The following MLLT3 variants were observed in gnomAD, a reference collection of about 807,000 sequenced individuals.
MLLT3 encodes the protein protein AF-9.
In MLLT3, 4 loss-of-function variants were observed where a neutral mutation model predicts 53.2. The ratio of observed to expected loss-of-function variants is 0.08; its 90% CI spans 0.04 to 0.17. The LOEUF is 0.17. MLLT3 is among the 10% of genes least tolerant of loss of function. The pLI, the probability that MLLT3 is intolerant of heterozygous loss-of-function variation, is 1.00. For missense variants in MLLT3, 569 were observed against 684.0 expected (o/e 0.83, Z 1.87); for synonymous variants, 283 against 230.6 (o/e 1.23, Z -2.06).
intron 2 of MLLT3, among the ~76,000 whole-genome samples, chr9:20,483,644 A>C (rs1443508374): frequency 1.3e-5 from 2 of 151,234 alleles, no homozygotes; most frequent in East Asian, 3.9e-4. Flanking sequence ...CCCTGAATGT[A>C]AGACTCAATA....
rs1661850997 is a variant in MLLT3, at chr9:20,581,629, C to G, written c.193+39025G>C. ...ATATTCAACCTGTTTAGGCCCCTGG[C>G]AGCCAATCAGAGACTGGACTTTGAG... is the stretch of plus-strand genomic sequence containing the variant. On this transcript the variant is annotated intron_variant, in intron 2 of 10. Coordinates refer to ENST00000380338, the MANE Select transcript of MLLT3 (RefSeq NM_004529.4). 1.3e-5 allele frequency among the ~76,000 whole-genome samples: 2 copies of G among 152,146 alleles called. 1 individual carries two copies. Among genetic ancestry groups the G allele is most frequent in the South Asian group, 4.1e-4 (2 of 4,832 alleles).
At chr9:20,476,723 T>C (rs1824530747) in intron 2 of MLLT3, among the ~76,000 whole-genome samples, 1 of 152,156 alleles carries the variant, frequency 6.6e-6, no homozygotes, top group African/African-American at 2.4e-5. Context: ...AGACAGTATT[T>C]TATCTTGAAT....
chr9:20,488,692 C>G (rs1227534455), intron 2 of MLLT3, among the ~76,000 whole-genome samples: 2 of 152,154 alleles, frequency 1.3e-5, no homozygotes, highest in Non-Finnish European at 2.9e-5. Flanking sequence ...GATTTGCTCT[C>G]CTGAAATGAA....
rs529041919 is a variant in MLLT3 at position 20,356,652 on chromosome 9, C to T, written c.1432-1773G>A. Among the ~76,000 whole-genome samples, 8 of 152,238 alleles carry T rather than the reference C, an allele frequency of 5.3e-5. No individual in the cohort carries two copies. The South Asian group carries it at 1.7e-3, about 32-fold the overall frequency. On this transcript the variant is annotated intron_variant, in intron 8 of 10. Coordinates refer to ENST00000380338, the MANE Select transcript of MLLT3 (RefSeq NM_004529.4). ...CATATCCCGCTGCCTCCCACGATCC[C>T]CTCCTCCAACTCCTGTACTCTGGGT...
At chr9:20,463,307 C>T (rs1376284816) in intron 2 of MLLT3, among the ~76,000 whole-genome samples, 3 of 152,062 alleles carry the variant, frequency 2.0e-5, no homozygotes, top group African/African-American at 7.2e-5. Context: ...TTTTCTTTAA[C>T]ATACGCACAA....
intron 2 of MLLT3, among the ~76,000 whole-genome samples, chr9:20,517,049 T>C (rs1817934608): frequency 6.6e-6 from 1 of 152,218 alleles, no homozygotes; most frequent in Non-Finnish European, 1.5e-5. Context: ...AATAGTCTAA[T>C]TCCATTTTGT....
intron 2 of MLLT3, among the ~76,000 whole-genome samples, chr9:20,473,289 C>T (rs578021556): frequency 2.0e-5 from 3 of 152,082 alleles, no homozygotes; most frequent in Non-Finnish European, 4.4e-5. Flanking sequence ...ATAATTACAT[C>T]GTTTTCTAAA....
Position 20,414,036 on chromosome 9 carries a change from G to A in MLLT3, c.810C>T (p.Leu270=). The change falls in exon 5 of 11, where the codon CTC becomes CTT. Residue 270 remains leucine, a synonymous_variant. Coordinates refer to ENST00000380338, the MANE Select transcript of MLLT3 (RefSeq NM_004529.4). The part of the protein sequence containing the change: ...SKEPKPDSNL[L]TITSGQDKKA... ...TCTTATCTTGTCCACTGGTGATGGT[G>A]AGTAAGTTACTATCTGGTTTTGGCT... 2 of 1,614,154 alleles carry A rather than the reference G, an allele frequency of 1.2e-6. No individual in the cohort carries two copies. The highest frequency in any genetic ancestry group is 2.2e-5 in the South Asian group (2 of 91,076).
chr9:20,350,003 T>G (rs1489566164), intron 10 of MLLT3, among the ~76,000 whole-genome samples: 2 of 152,238 alleles, frequency 1.3e-5, no homozygotes, highest in Admixed American at 1.3e-4. Flanking sequence ...TTAGAGCATG[T>G]GCCCACATCC....
At chr9:20,388,157 T>C (rs543263999) in intron 5 of MLLT3, among the ~76,000 whole-genome samples, 4 of 151,736 alleles carry the variant, frequency 2.6e-5, no homozygotes, top group African/African-American at 9.8e-5. Flanking sequence ...CAAGTATTGA[T>C]TTAGAAAATA....
chr9:20,505,543 G>A (rs190117597), intron 2 of MLLT3, among the ~76,000 whole-genome samples: 41 of 152,222 alleles, frequency 2.7e-4, no homozygotes, highest in Admixed American at 7.8e-4. Flanking sequence ...ATAACAAGTG[G>A]GCAGAGGATA....
rs892008680 is a variant in MLLT3 at position 20,620,293 on chromosome 9, A to ACGCGCG, written c.193+360_193+361insCGCGCG. 1.9e-3 allele frequency among the ~76,000 whole-genome samples: 276 copies of ACGCGCG among 146,078 alleles called. 2 individuals carry two copies. Among genetic ancestry groups the ACGCGCG allele is most frequent in the African/African-American group, 6.5e-3 (258 of 39,938 alleles). On this transcript the variant is annotated intron_variant, in intron 2 of 10. Transcript: ENST00000380338. The surrounding 1 kb of genome is among the most constrained non-coding windows in gnomAD (Gnocchi z 6.1). ...CACACACACACACACACACACACAC[A>ACGCGCG]CGCGCAAAGTGTTTATTCCCTCCAG...
intron 5 of MLLT3, among the ~76,000 whole-genome samples, chr9:20,391,172 G>C (rs546615535): frequency 3.0e-4 from 45 of 152,190 alleles, no homozygotes; most frequent in Admixed American, 5.9e-4. Context: ...ACTCCCCTGG[G>C]GAATTGGGTA....
At chr9:20,494,752 C>T (rs1168439094) in intron 2 of MLLT3, among the ~76,000 whole-genome samples, 1 of 152,130 alleles carries the variant, frequency 6.6e-6, no homozygotes, top group African/African-American at 2.4e-5. Context: ...TATTGGAATG[C>T]TGTTCAAAAT....
chr9:20,492,660 ATAGT>A (rs1285004109), intron 2 of MLLT3, among the ~76,000 whole-genome samples: 1 of 151,966 alleles, frequency 6.6e-6, no homozygotes, highest in African/African-American at 2.4e-5. Flanking sequence ...AGAGCACAAA[ATAGT>A]TACTCAAGAG....
intron 5 of MLLT3, among the ~76,000 whole-genome samples, chr9:20,386,924 G>A (rs1822051110): frequency 6.6e-6 from 1 of 152,142 alleles, no homozygotes; most frequent in South Asian, 2.1e-4. Flanking sequence ...AATGTATTAA[G>A]TTGACTTTTC....
At chr9:20,568,195 T>C (rs1309821791) in intron 2 of MLLT3, among the ~76,000 whole-genome samples, 1 of 152,142 alleles carries the variant, frequency 6.6e-6, no homozygotes. Context: ...GACTTCAAAA[T>C]AAATTCAGTC....
chr9:20,464,302 T>C (rs1824182765), intron 2 of MLLT3, among the ~76,000 whole-genome samples: 1 of 152,146 alleles, frequency 6.6e-6, no homozygotes, highest in African/African-American at 2.4e-5. Context: ...TACAAAATCT[T>C]AAGGCTACAA....
At chr9:20,615,522 T>C (rs1820811374) in intron 2 of MLLT3, among the ~76,000 whole-genome samples, 1 of 151,996 alleles carries the variant, frequency 6.6e-6, no homozygotes, top group African/African-American at 2.4e-5. Context: ...CCTTGGAAGA[T>C]TTACCTTTTC....
Sources: gnomAD v4.1 joint callset for allele counts (sites outside exome capture counted in the v4.1 genomes callset) on GRCh38, gnomAD v4.1.1 for gene constraint, Gnocchi (gnomAD v3.1) non-coding constraint, MANE v1.5 for transcripts, NCBI Gene and HGNC (gene_info 2026-07-23, HGNC 2026-07-21) for gene names.